The following RASAL2 variants were observed in gnomAD, a reference collection of about 807,000 sequenced individuals.
The protein encoded by RASAL2 is RAS protein activator like 2, also known as ras GTPase-activating protein nGAP.
A neutral mutation model predicts 128.9 loss-of-function variants in RASAL2; 58 were observed. The ratio of observed to expected loss-of-function variants is 0.45; its 90% CI spans 0.36 to 0.56. The LOEUF (loss-of-function observed/expected upper bound fraction) is 0.56. Among genes scored for constraint, RASAL2 ranks in the 20% least tolerant of loss-of-function variants. The probability of loss-of-function intolerance (pLI) is 0.00; values close to 1 mark genes in which losing one functional copy is unlikely to be tolerated. For missense variants in RASAL2, 1,360 were observed against 1,601.6 expected, an observed-to-expected ratio of 0.85 and a Z score of 2.57; for synonymous variants, 561 against 580.8, an observed-to-expected ratio of 0.97 and a Z score of 0.49.
chr1:178,297,876 T>C (rs1270444898), intron 2 of RASAL2, among the ~76,000 whole-genome samples: 1 of 152,170 alleles, frequency 6.6e-6, no homozygotes, highest in Non-Finnish European at 1.5e-5. Flanking sequence ...TATGTCCTCA[T>C]AGAAGACATT....
At chr1:178,297,503 A>T (rs1361592564) in intron 2 of RASAL2, among the ~76,000 whole-genome samples, 8 of 149,960 alleles carry the variant, frequency 5.3e-5, no homozygotes, top group Non-Finnish European at 1.2e-4. Context: ...GCTACTTGGG[A>T]GGCTGAGACA....
At chr1:178,368,713 C>T (rs1204865183) in intron 3 of RASAL2, among the ~76,000 whole-genome samples, 1 of 151,894 alleles carries the variant, frequency 6.6e-6, no homozygotes, top group African/African-American at 2.4e-5. Context: ...TCATAGCTCA[C>T]TGCAGCCTCA....
chr1:178,256,072 C>T (rs1220330537), intron 1 of RASAL2, among the ~76,000 whole-genome samples: 2 of 152,106 alleles, frequency 1.3e-5, no homozygotes, highest in Non-Finnish European at 2.9e-5. Flanking sequence ...ACAGTAACAA[C>T]AAAGGAATCC....
intron 4 of RASAL2, among the ~76,000 whole-genome samples, chr1:178,407,886 G>C (rs1404656637): frequency 6.6e-6 from 1 of 152,130 alleles, no homozygotes; most frequent in Non-Finnish European, 1.5e-5. Flanking sequence ...TTTTATTTCA[G>C]TTACCACTCA....
At chr1:178,372,079 C>T (rs527287726) in intron 3 of RASAL2, 3 of 801,598 alleles carry the variant, frequency 3.7e-6, no homozygotes, top group African/African-American at 1.9e-5. Flanking sequence ...GTCACAGAGA[C>T]AGAATTCAGA....
chr1:178,421,852 A>T (rs1421898931), intron 5 of RASAL2, among the ~76,000 whole-genome samples: 1 of 152,020 alleles, frequency 6.6e-6, no homozygotes, highest in East Asian at 1.9e-4. Context: ...TTTGCATTAT[A>T]TTTATATTAT....
rs770583316 is a variant in RASAL2 at position 178,443,053 on chromosome 1, T to A, written c.1306T>A (p.Ser436Thr). The A allele has an allele frequency of 6.2e-7, 1 of 1,614,036 alleles. No individual in the cohort carries two copies. Among genetic ancestry groups the A allele is most frequent in the East Asian group, 2.2e-5 (1 of 44,872 alleles). ...AGGAGGACCTTCTATTCGGATTAAA[T>A]CACGTTTCCAAACTATCACCATTCT... ...KTGGPSIRIK[S>T]RFQTITILPM... is the part of the protein sequence containing the mutation. The change falls in exon 8 of 18, where the codon TCA becomes ACA. Residue 436 changes from serine (S) to threonine (T), a missense_variant. By Grantham distance (58) the Ser-to-Thr change is moderately conservative (BLOSUM62 1). Coordinates refer to ENST00000367649, the MANE Select transcript of RASAL2 (RefSeq NM_170692.4).
At chr1:178,343,597 C>T (rs1047957589) in intron 3 of RASAL2, among the ~76,000 whole-genome samples, 1 of 151,996 alleles carries the variant, frequency 6.6e-6, no homozygotes, top group African/African-American at 2.4e-5. Context: ...TTTCTGATGC[C>T]AGAAATGATC....
intron 9 of RASAL2, among the ~76,000 whole-genome samples, chr1:178,448,990 A>C (rs1677199608): frequency 6.6e-6 from 1 of 152,192 alleles, no homozygotes; most frequent in Non-Finnish European, 1.5e-5. Context: ...TGCTTCTAAG[A>C]GCATAAGCAG....
At chr1:178,456,565 A>G (rs908064667) in intron 12 of RASAL2, 156 bp from the exon 13 acceptor site, 2 of 772,020 alleles carry the variant, frequency 2.6e-6, no homozygotes, top group Non-Finnish European at 4.5e-6. Flanking sequence ...GCTGCTCCAT[A>G]ACAATGCATT....
chr1:178,235,223 C>T (rs927998465), intron 1 of RASAL2, among the ~76,000 whole-genome samples: 1 of 152,128 alleles, frequency 6.6e-6, no homozygotes, highest in African/African-American at 2.4e-5. Flanking sequence ...TAAAATCTTA[C>T]AATCAGTTCC....
chr1:178,174,144 T>C (rs1304360062), intron 1 of RASAL2, among the ~76,000 whole-genome samples: 1 of 152,070 alleles, frequency 6.6e-6, no homozygotes, highest in East Asian at 1.9e-4. Flanking sequence ...TAGTATGATA[T>C]GAAAAACGTA....
At chr1:178,443,486 A>G (rs369637936) in intron 8 of RASAL2, among the ~76,000 whole-genome samples, 9 of 152,334 alleles carry the variant, frequency 5.9e-5, no homozygotes, top group Admixed American at 1.3e-4. Flanking sequence ...TTCTTGTCTG[A>G]CAAAATAAAT....
intron 1 of RASAL2, among the ~76,000 whole-genome samples, chr1:178,163,956 C>T (rs960156124): frequency 1.3e-5 from 2 of 152,212 alleles, no homozygotes; most frequent in Non-Finnish European, 2.9e-5. Context: ...TAGTAGTCTT[C>T]AGGATACAAG....
intron 3 of RASAL2, among the ~76,000 whole-genome samples, chr1:178,389,708 G>A (rs188896888): frequency 6.6e-6 from 1 of 152,206 alleles, no homozygotes; most frequent in Non-Finnish European, 1.5e-5. Flanking sequence ...TGCAACATTA[G>A]ACTATATTTT....
At chr1:178,325,543 A>C (rs369954323) in intron 3 of RASAL2, among the ~76,000 whole-genome samples, 3 of 152,346 alleles carry the variant, frequency 2.0e-5, no homozygotes, top group African/African-American at 7.2e-5. Flanking sequence ...ATTGGGTGTG[A>C]CTTAAAATAA....
At chr1:178,311,597 A>G (rs185669519) in intron 3 of RASAL2, among the ~76,000 whole-genome samples, 118 of 152,210 alleles carry the variant, frequency 7.8e-4, no homozygotes, top group Non-Finnish European at 1.2e-3. Flanking sequence ...CAAAATTGAG[A>G]ACAGGGCATT....
intron 1 of RASAL2, among the ~76,000 whole-genome samples, chr1:178,115,714 G>T (rs1375043236): frequency 1.3e-5 from 2 of 152,210 alleles, no homozygotes; most frequent in African/African-American, 4.8e-5. Flanking sequence ...AGACCACTCT[G>T]GTTGTGGTGT....
intron 1 of RASAL2, among the ~76,000 whole-genome samples, chr1:178,248,669 A>C (rs572599291): frequency 1.1e-4 from 17 of 152,284 alleles, no homozygotes; most frequent in African/African-American, 3.9e-4. Flanking sequence ...ATGTTTTTGC[A>C]GTAATTGGTA....
Sources: allele counts gnomAD v4.1 joint callset (sites outside exome capture counted in the v4.1 genomes callset), GRCh38; gene constraint gnomAD v4.1.1; transcripts MANE v1.5; gene names NCBI Gene and HGNC (gene_info 2026-07-23, HGNC 2026-07-21).